Variants in FAM168A observed in about 807,000 individuals in gnomAD.
FAM168A encodes family with sequence similarity 168 member A, also known as protein FAM168A.
A neutral mutation model predicts 28.5 loss-of-function variants in FAM168A; 3 were observed. That is an observed-to-expected ratio of 0.11 (90% confidence interval 0.05 to 0.27). FAM168A has a LOEUF of 0.27. Ranked by LOEUF, FAM168A falls within the 10% of genes least tolerant of loss-of-function variation. FAM168A has a pLI of 1.00. For synonymous variants in FAM168A, 122 were observed against 124.2 expected (o/e 0.98, Z 0.12); for missense variants, 222 against 311.5 (o/e 0.71, Z 2.16).
intron 3 of FAM168A, among the ~76,000 whole-genome samples, chr11:73,421,996 A>T (rs1866801189): frequency 2.0e-5 from 3 of 152,270 alleles, no homozygotes. Context: ...AAACTAACTT[A>T]TTCTTTACAA....
chr11:73,462,141 G>A (rs1317978046), intron 2 of FAM168A, among the ~76,000 whole-genome samples: 1 of 152,090 alleles, frequency 6.6e-6, no homozygotes, highest in East Asian at 1.9e-4. Context: ...TTGAAAGCAA[G>A]GTCTTCAAGA....
intron 3 of FAM168A, among the ~76,000 whole-genome samples, chr11:73,428,828 C>T (rs1347629653): frequency 6.6e-6 from 1 of 152,130 alleles, no homozygotes; most frequent in Non-Finnish European, 1.5e-5. Context: ...GTCACTGCTC[C>T]CTTCATAAGC....
chr11:73,589,271 T>C (rs955281833), intron 1 of FAM168A, among the ~76,000 whole-genome samples: 3 of 151,580 alleles, frequency 2.0e-5, no homozygotes, highest in African/African-American at 7.3e-5. Context: ...AATTAAAAAA[T>C]AATAAAGAAA....
At position 73,411,342 on chromosome 11, in the gene FAM168A, C is replaced by G. The variant is rs561690152; in HGVS notation, c.420+52G>C. 35 of 1,537,046 alleles carry G rather than the reference C, an allele frequency of 2.3e-5. 1 individual carries two copies. The South Asian group carries it at 4.4e-4, about 20-fold the overall frequency. On this transcript the variant is annotated intron_variant, in intron 5 of 7. Coordinates refer to ENST00000356467, the MANE Select transcript of FAM168A (RefSeq NM_015159.3). Reference sequence around the variant, plus strand: ...TCACCCTACCCCACCACACTGCACCCAGGCTGAAGGCTCCTCTACCTGCAG... The same window carrying G: ...TCACCCTACCCCACCACACTGCACCGAGGCTGAAGGCTCCTCTACCTGCAG...
chr11:73,498,805 G>A (rs912350642), intron 1 of FAM168A, among the ~76,000 whole-genome samples: 2 of 152,170 alleles, frequency 1.3e-5, no homozygotes, highest in Admixed American at 6.5e-5. Context: ...TCAGTGAGAG[G>A]GGCTTCCCTG....
At chr11:73,465,001 G>A (rs960388544) in intron 2 of FAM168A, among the ~76,000 whole-genome samples, 1 of 151,586 alleles carries the variant, frequency 6.6e-6, no homozygotes, top group African/African-American at 2.4e-5. Flanking sequence ...TCTTTTCCCT[G>A]TAGGTGTATA....
chr11:73,475,604 T>C (rs1176842199), intron 1 of FAM168A, among the ~76,000 whole-genome samples: 1 of 151,936 alleles, frequency 6.6e-6, no homozygotes, highest in Non-Finnish European at 1.5e-5. Flanking sequence ...ACCAAACCCT[T>C]TCCCCCAAAA....
At chr11:73,429,413 A>G (rs528084363) in intron 3 of FAM168A, among the ~76,000 whole-genome samples, 3 of 152,300 alleles carry the variant, frequency 2.0e-5, no homozygotes, top group East Asian at 3.9e-4. Flanking sequence ...TTCTATAATG[A>G]TAAGTGCTAA....
chr11:73,512,530 T>C (rs932632186), intron 1 of FAM168A, among the ~76,000 whole-genome samples: 4 of 152,050 alleles, frequency 2.6e-5, no homozygotes, highest in Non-Finnish European at 4.4e-5. Flanking sequence ...CTCTGAATTG[T>C]GTACTTTCAA....
intron 1 of FAM168A, among the ~76,000 whole-genome samples, chr11:73,566,336 G>C (rs923776822): frequency 2.6e-5 from 4 of 151,862 alleles, no homozygotes; most frequent in Admixed American, 2.6e-4. Context: ...TTTCTAATTT[G>C]CCTGCCTTCC....
At chr11:73,447,014 G>A (rs906720408) in intron 2 of FAM168A, among the ~76,000 whole-genome samples, 10 of 152,124 alleles carry the variant, frequency 6.6e-5, no homozygotes, top group Non-Finnish European at 1.0e-4. Context: ...TTGCCACGCC[G>A]GGTCTGGCAT....
At chr11:73,585,525 G>A (rs1266784572) in intron 1 of FAM168A, among the ~76,000 whole-genome samples, 1 of 152,150 alleles carries the variant, frequency 6.6e-6, no homozygotes, top group African/African-American at 2.4e-5. Context: ...AAATTTCTTA[G>A]ACTACTAAAT....
intron 1 of FAM168A, among the ~76,000 whole-genome samples, chr11:73,590,389 G>C (rs963915541): frequency 6.6e-6 from 1 of 152,202 alleles, no homozygotes; most frequent in Non-Finnish European, 1.5e-5. Context: ...CTTTGGAGTT[G>C]TCAATAAATA....
At chr11:73,590,873 A>G (rs1944372921) in intron 1 of FAM168A, among the ~76,000 whole-genome samples, 1 of 152,052 alleles carries the variant, frequency 6.6e-6, no homozygotes, top group Admixed American at 6.6e-5. Context: ...GGCTGGGTGC[A>G]GGCTCACGCC....
chr11:73,509,600 C>T (rs1031726755), intron 1 of FAM168A, among the ~76,000 whole-genome samples: 7 of 152,144 alleles, frequency 4.6e-5, no homozygotes, highest in East Asian at 1.9e-4. Flanking sequence ...CAGTTCTATA[C>T]CCAACTGCTG....
intron 1 of FAM168A, among the ~76,000 whole-genome samples, chr11:73,596,880 G>A (rs1029074265): frequency 2.6e-5 from 4 of 151,938 alleles, no homozygotes; most frequent in Admixed American, 2.6e-4. Flanking sequence ...GCTCATCTCC[G>A]AAAGTCCTTC....
chr11:73,415,624 C>T (rs1280843813), intron 4 of FAM168A, among the ~76,000 whole-genome samples: 1 of 152,226 alleles, frequency 6.6e-6, no homozygotes, highest in Non-Finnish European at 1.5e-5. Flanking sequence ...CCATAATTTA[C>T]TAGTGGTCCT....
chr11:73,441,039 T>A (rs1867184214), intron 2 of FAM168A, among the ~76,000 whole-genome samples: 1 of 151,100 alleles, frequency 6.6e-6, no homozygotes, highest in African/African-American at 2.4e-5. Flanking sequence ...GAATGTTATA[T>A]CATTTCATAC....
intron 1 of FAM168A, among the ~76,000 whole-genome samples, chr11:73,495,112 T>C (rs1854843685): frequency 6.7e-6 from 1 of 150,174 alleles, no homozygotes; most frequent in African/African-American, 2.5e-5. Flanking sequence ...AATTTGAGGC[T>C]TAATGGTATA....
Sources: allele counts gnomAD v4.1 joint callset (sites outside exome capture counted in the v4.1 genomes callset), GRCh38; gene constraint gnomAD v4.1.1; transcripts MANE v1.5; gene names NCBI Gene and HGNC (gene_info 2026-07-23, HGNC 2026-07-21).